Variants in CSNK1G1 observed in about 807,000 individuals in gnomAD.
The protein encoded by CSNK1G1 is casein kinase 1 gamma 1.
CSNK1G1 carries 22 observed loss-of-function variants against 59.6 expected under a neutral mutation model. That is an observed-to-expected ratio of 0.37 (90% confidence interval 0.26 to 0.53). The LOEUF is 0.53. Among genes scored for constraint, CSNK1G1 ranks in the 20% least tolerant of loss-of-function variants. The probability of loss-of-function intolerance (pLI) is 0.89; values close to 1 mark genes in which losing one functional copy is unlikely to be tolerated. For synonymous variants in CSNK1G1, 179 were observed against 177.1 expected (o/e 1.01, Z -0.08); for missense variants, 384 against 519.5 (o/e 0.74, Z 2.54).
intron 2 of CSNK1G1, among the ~76,000 whole-genome samples, chr15:64,277,034 G>A (rs1341786593): frequency 6.6e-6 from 1 of 151,808 alleles, no homozygotes; most frequent in African/African-American, 2.4e-5. Context: ...AATTCCGGAA[G>A]AACTAGAACC....
chr15:64,305,759 C>A, intron 1 of CSNK1G1, among the ~76,000 whole-genome samples: 2 of 102,108 alleles, frequency 2.0e-5, no homozygotes, highest in African/African-American at 6.8e-5. Flanking sequence ...GTACTCAAGA[C>A]AGTGTGATAT....
intron 1 of CSNK1G1, among the ~76,000 whole-genome samples, chr15:64,346,602 C>G (rs952677199): frequency 1.3e-5 from 2 of 151,858 alleles, no homozygotes; most frequent in Non-Finnish European, 2.9e-5. Flanking sequence ...GGATTACAGA[C>G]GCACACCACC....
Position 64,260,458 on chromosome 15 carries a change from A to G in CSNK1G1, c.182-1217T>C, listed in dbSNP as rs114729898. Among the ~76,000 whole-genome samples, 1,280 of 152,150 alleles carry G rather than the reference A, an allele frequency of 8.4e-3. 19 individuals carry two copies. The highest frequency in any genetic ancestry group is 0.029 in the African/African-American group (1,201 of 41,512). On this transcript the variant is annotated intron_variant, in intron 2 of 11. Transcript: ENST00000303052. ...TATATAATGCATTGTTTTTATAAATAAAAAAACAAGCTGGGTGTGGTGTAA... is the reference window on the plus strand; with the variant it reads ...TATATAATGCATTGTTTTTATAAATGAAAAAACAAGCTGGGTGTGGTGTAA...
At position 64,167,145 on chromosome 15, in the gene CSNK1G1, C is replaced by G. The variant is rs539831739; in HGVS notation, c.*4786G>C. On this transcript the variant is annotated 3_prime_UTR_variant, in exon 12 of 12. Coordinates refer to ENST00000303052, the MANE Select transcript of CSNK1G1 (RefSeq NM_022048.5). ...AGAAAACTATTTTTTTGTACTTAGTCACCTGCAAAAGGAGTTAGGAAAAAC... is the reference window on the plus strand; with the variant it reads ...AGAAAACTATTTTTTTGTACTTAGTGACCTGCAAAAGGAGTTAGGAAAAAC... 6.6e-6 allele frequency: 1 copy of G among 152,186 alleles called. No individual in the cohort carries two copies. The highest frequency in any genetic ancestry group is 1.9e-4 in the East Asian group (1 of 5,196). 9.4% of individuals were successfully genotyped at this position (152,186 alleles called of 1,614,324 possible). A position where few individuals can be genotyped will look rare whatever the true frequency, so the allele number is the denominator to read the frequency against.
intron 1 of CSNK1G1, among the ~76,000 whole-genome samples, chr15:64,336,580 AGAC>A (rs1897399362): frequency 6.6e-6 from 1 of 152,102 alleles, no homozygotes; most frequent in Non-Finnish European, 1.5e-5. Flanking sequence ...CAACTTAGAA[AGAC>A]TCCATCTCAA....
At chr15:64,289,780 T>C (rs1486137263) in intron 2 of CSNK1G1, among the ~76,000 whole-genome samples, 1 of 152,070 alleles carries the variant, frequency 6.6e-6, no homozygotes, top group East Asian at 1.9e-4. Flanking sequence ...AAAAACCGTA[T>C]AACCTCATCT....
intron 1 of CSNK1G1, among the ~76,000 whole-genome samples, chr15:64,310,495 T>G (rs1386013559): frequency 2.0e-5 from 3 of 149,864 alleles, no homozygotes; most frequent in African/African-American, 7.4e-5. Flanking sequence ...ACAGAAGGAC[T>G]GCTTGAGCCC....
intron 2 of CSNK1G1, among the ~76,000 whole-genome samples, chr15:64,286,382 A>G (rs1894423092): frequency 6.6e-6 from 1 of 152,078 alleles, no homozygotes; most frequent in Non-Finnish European, 1.5e-5. Context: ...AATATTGTTA[A>G]CAATATATTG....
At chr15:64,182,816 T>C (rs1261403578) in intron 10 of CSNK1G1, among the ~76,000 whole-genome samples, 2 of 152,198 alleles carry the variant, frequency 1.3e-5, no homozygotes, top group Non-Finnish European at 2.9e-5. Context: ...CCTCCCGATT[T>C]CTCTGTAGAG....
chr15:64,353,226 G>A (rs1046698081), intron 1 of CSNK1G1, among the ~76,000 whole-genome samples: 3 of 152,100 alleles, frequency 2.0e-5, no homozygotes, highest in African/African-American at 7.2e-5. Flanking sequence ...TTTGTCCTCT[G>A]AGTATAAATT....
intron 10 of CSNK1G1, chr15:64,182,056 T>G (rs1026163232): frequency 8.6e-6 from 1 of 116,632 alleles, no homozygotes; most frequent in Admixed American, 8.4e-5. Context: ...GTAACCCGTT[T>G]TTTTTTTTTT....
chr15:64,318,327 ATT>A (rs1398512176), intron 1 of CSNK1G1, among the ~76,000 whole-genome samples: 1 of 151,940 alleles, frequency 6.6e-6, no homozygotes, highest in Non-Finnish European at 1.5e-5. Flanking sequence ...GCTGCAAATG[ATT>A]TTCTTTCCAT....
intron 2 of CSNK1G1, among the ~76,000 whole-genome samples, chr15:64,266,519 A>G (rs1270948756): frequency 6.6e-6 from 1 of 152,206 alleles, no homozygotes; most frequent in African/African-American, 2.4e-5. Flanking sequence ...GAGAAAAAAA[A>G]ATCCTAAAAT....
In CSNK1G1 at chr15:64,261,299, T is replaced by G. The variant is rs147267901; in HGVS notation, c.182-2058A>C. On this transcript the variant is annotated intron_variant, in intron 2 of 11. Coordinates refer to ENST00000303052, the MANE Select transcript of CSNK1G1 (RefSeq NM_022048.5). ...TGAAATGAAATGAGCATTGTTACTG[T>G]GACTTAAAACTAGTTTTAGGGCCAG... 5.3e-5 allele frequency among the ~76,000 whole-genome samples: 8 copies of G among 152,234 alleles called. No homozygotes were observed. The East Asian group carries it at 1.6e-3, about 30-fold the overall frequency.
intron 11 of CSNK1G1, 187 bp downstream of exon 11, chr15:64,180,161 C>A: frequency 1.8e-6 from 1 of 564,762 alleles, no homozygotes; most frequent in Admixed American, 3.0e-5. Flanking sequence ...CTGTCTTCCC[C>A]GAAATCACAG....
At chr15:64,284,269 T>G (rs1894294421) in intron 2 of CSNK1G1, among the ~76,000 whole-genome samples, 1 of 150,756 alleles carries the variant, frequency 6.6e-6, no homozygotes, top group South Asian at 2.1e-4. Context: ...AACTTTGTTC[T>G]TCTTTTTTCA....
At chr15:64,229,034 A>AAAAAG (rs1264103773) in intron 4 of CSNK1G1, among the ~76,000 whole-genome samples, 1 of 151,616 alleles carries the variant, frequency 6.6e-6, no homozygotes, top group East Asian at 1.9e-4. Context: ...AAAAAAAAAA[A>AAAAAG]AAAAGAAAAA....
At chr15:64,304,651 C>A (rs1157475533) in intron 1 of CSNK1G1, among the ~76,000 whole-genome samples, 1 of 152,030 alleles carries the variant, frequency 6.6e-6, no homozygotes, top group Admixed American at 6.5e-5. Context: ...ATTATAAAAG[C>A]ATCAAAAAAA....
intron 10 of CSNK1G1, chr15:64,181,960 C>G (rs943228113): frequency 1.3e-5 from 2 of 151,528 alleles, no homozygotes; most frequent in African/African-American, 4.9e-5. Context: ...TACACGTAGC[C>G]TTTGGGACAG....
Sources: gnomAD v4.1 joint callset for allele counts (sites outside exome capture counted in the v4.1 genomes callset) on GRCh38, gnomAD v4.1.1 for gene constraint, MANE v1.5 for transcripts, NCBI Gene and HGNC (gene_info 2026-07-23, HGNC 2026-07-21) for gene names.